TMEM132D: variants seen among roughly 807,000 people sequenced by gnomAD.
TMEM132D encodes the protein mature OL transmembrane protein.
A neutral mutation model predicts 62.3 loss-of-function variants in TMEM132D; 21 were observed. The observed-to-expected ratio is 0.34, with a 90% confidence interval of 0.24 to 0.49. TMEM132D has a LOEUF of 0.49. Among genes scored for constraint, TMEM132D ranks in the 20% least tolerant of loss-of-function variants. The probability of loss-of-function intolerance (pLI) is 0.99; values close to 1 mark genes in which losing one functional copy is unlikely to be tolerated. For synonymous variants in TMEM132D, 621 were observed against 575.6 expected, an observed-to-expected ratio of 1.08 and a Z score of -1.13; for missense variants, 1,346 against 1,402.8, an observed-to-expected ratio of 0.96 and a Z score of 0.65.
intron 2 of TMEM132D, among the ~76,000 whole-genome samples, chr12:129,623,052 G>A (rs1879115960): frequency 6.6e-6 from 1 of 152,184 alleles, no homozygotes. Context: ...GAGGGAGGGG[G>A]AAGGGGAGAG....
chr12:129,263,137 G>A (rs1199405092), intron 4 of TMEM132D, among the ~76,000 whole-genome samples: 3 of 152,142 alleles, frequency 2.0e-5, no homozygotes, highest in African/African-American at 7.2e-5. Flanking sequence ...GCACTTCACA[G>A]AGCAATCTCT....
At chr12:129,279,040 G>T (rs1205958309) in intron 4 of TMEM132D, among the ~76,000 whole-genome samples, 1 of 152,096 alleles carries the variant, frequency 6.6e-6, no homozygotes, top group Non-Finnish European at 1.5e-5. Flanking sequence ...TTTTATAAGA[G>T]AACTCAGAAA....
intron 4 of TMEM132D, among the ~76,000 whole-genome samples, chr12:129,225,400 G>A (rs1316126519): frequency 1.3e-5 from 2 of 152,302 alleles, no homozygotes; most frequent in South Asian, 2.1e-4. Context: ...AGTTCTTGGA[G>A]GCCAACTTTC....
At chr12:129,854,052 G>C (rs1480888032) in intron 1 of TMEM132D, among the ~76,000 whole-genome samples, 6 of 152,128 alleles carry the variant, frequency 3.9e-5, no homozygotes, top group African/African-American at 1.4e-4. Context: ...GGTAACTCGA[G>C]GCGGGGATAC....
rs141035748 is a variant in TMEM132D at position 129,143,478 on chromosome 12, C to T, written c.1444-58776G>A. ...TCAGCATTCCTTCTCCCAGCATATG[C>T]GGCAGGACTGTCTCTGAATGAGGGT... On this transcript the variant is annotated intron_variant, in intron 5 of 8. Transcript: ENST00000422113. 6.7e-3 allele frequency among the ~76,000 whole-genome samples: 1,020 copies of T among 152,242 alleles called. 32 individuals are homozygous for T. The highest frequency in any genetic ancestry group is 0.051 in the Admixed American group (780 of 15,288).
intron 3 of TMEM132D, among the ~76,000 whole-genome samples, chr12:129,420,306 G>GTTTTTTTT (rs71082709): frequency 0.016 from 1,807 of 111,766 alleles, 232 homozygotes; most frequent in East Asian, 0.037. Flanking sequence ...CACGTTCTCT[G>GTTTTTTTT]TTTTTTTTTT....
chr12:129,880,915 A>G (rs889326958), intron 1 of TMEM132D, among the ~76,000 whole-genome samples: 13 of 152,266 alleles, frequency 8.5e-5, no homozygotes, highest in African/African-American at 3.1e-4. Flanking sequence ...AATCAGACCA[A>G]TTAAAAAATA....
intron 5 of TMEM132D, among the ~76,000 whole-genome samples, chr12:129,129,865 G>C (rs927513198): frequency 6.6e-6 from 1 of 151,916 alleles, no homozygotes; most frequent in Non-Finnish European, 1.5e-5. Flanking sequence ...AGCAGGATCA[G>C]GTCCCTGTTC....
chr12:129,172,932 AT>A (rs1877779317), intron 5 of TMEM132D, among the ~76,000 whole-genome samples: 1 of 152,154 alleles, frequency 6.6e-6, no homozygotes, highest in African/African-American at 2.4e-5. Flanking sequence ...GAGAGGGAAA[AT>A]GATGGGGGAA....
chr12:129,201,798 G>A (rs1178933963), intron 5 of TMEM132D, among the ~76,000 whole-genome samples: 1 of 152,098 alleles, frequency 6.6e-6, no homozygotes, highest in African/African-American at 2.4e-5. Context: ...GAAGGAGGGA[G>A]GGAGAGGAAG....
intron 3 of TMEM132D, among the ~76,000 whole-genome samples, chr12:129,518,561 A>G (rs1169260499): frequency 4.5e-5 from 4 of 88,952 alleles, no homozygotes; most frequent in Admixed American, 1.2e-4. Context: ...GTGTGTGTAT[A>G]TATATACACA....
At chr12:129,842,100 T>G (rs11060581) in intron 1 of TMEM132D, among the ~76,000 whole-genome samples, 410 of 109,034 alleles carry the variant, frequency 3.8e-3, no homozygotes, top group East Asian at 0.037. Context: ...CCGGCTAATT[T>G]TTTTTTTTTT....
rs66957899 is a variant in TMEM132D at position 129,719,092 on chromosome 12, A to AG, written c.80-18395_80-18394insC. 3.7e-3 allele frequency among the ~76,000 whole-genome samples: 172 copies of AG among 46,446 alleles called. 1 individual carries two copies. The highest frequency in any genetic ancestry group is 8.3e-3 in the African/African-American group (162 of 19,468). 30.5% of individuals were successfully genotyped at this position (46,446 alleles called of 152,430 possible). A position where few individuals can be genotyped will look rare whatever the true frequency, so the allele number is the denominator to read the frequency against. ...TCTCTACAAAAAAAATGAAAAAAAA[A>AG]AAAAAAAGAAAAAAAGCTGGGTGTA... On this transcript the variant is annotated intron_variant, in intron 1 of 8. Transcript: ENST00000422113.
rs1367210578 is a variant in TMEM132D at position 129,136,713 on chromosome 12, A to G, written c.1444-52011T>C. On this transcript the variant is annotated intron_variant, in intron 5 of 8. Transcript: ENST00000422113. ...CATCAACATCACCATCATTAATATC[A>G]TCATCCCCATCACCACCACCATTAC... Among the ~76,000 whole-genome samples the G allele has an allele frequency of 7.2e-5, 11 of 152,016 alleles. 1 individual carries two copies. In the East Asian group the frequency reaches 1.2e-3, roughly 16 times the overall value.
rs980279405 is a variant in TMEM132D, at chr12:129,356,224, T to C, written c.1116-18407A>G. Among the ~76,000 whole-genome samples the C allele has an allele frequency of 2.0e-3, 49 of 24,212 alleles. 14 individuals carry two copies. The highest frequency in any genetic ancestry group is 3.7e-3 in the Non-Finnish European group (42 of 11,306). The allele number at this position is 24,212 out of a possible 152,430, so 15.9% of individuals were successfully genotyped here. The stretch of plus-strand genomic sequence containing the variant: ...CAGGCTGGAGTGCAGTGGCGGGATC[T>C]CGGCTCACTGCAAGCTCCGCCTCCC... On this transcript the variant is annotated intron_variant, in intron 3 of 8. Transcript: ENST00000422113.
intron 1 of TMEM132D, among the ~76,000 whole-genome samples, chr12:129,859,095 G>C (rs1873802799): frequency 6.6e-6 from 1 of 152,190 alleles, no homozygotes; most frequent in Non-Finnish European, 1.5e-5. Flanking sequence ...CCTTACAAAA[G>C]AGTCCTGCGG....
intron 5 of TMEM132D, among the ~76,000 whole-genome samples, chr12:129,178,650 G>A (rs962294046): frequency 3.3e-5 from 5 of 152,018 alleles, no homozygotes; most frequent in Admixed American, 3.3e-4. Flanking sequence ...ACTTCAAGAG[G>A]GTAAAAGATG....
chr12:129,647,243 G>GTTTTTTT lies in TMEM132D; in HGVS notation c.968+52560_968+52566dup, dbSNP rs57450911. Among the ~76,000 whole-genome samples, 10 of 117,598 alleles carry GTTTTTTT rather than the reference G, an allele frequency of 8.5e-5. No individual in the cohort carries two copies. In the South Asian group the frequency reaches 1.5e-3, roughly 17 times the overall value. 77.1% of individuals were successfully genotyped at this position (117,598 alleles called of 152,430 possible). A position where few individuals can be genotyped will look rare whatever the true frequency, so the allele number is the denominator to read the frequency against. On this transcript the variant is annotated intron_variant, in intron 2 of 8. Transcript: ENST00000422113. ...TTATTTGCTGTTCCTTTGTTTTTCT[G>GTTTTTTT]TTTTTTTTTTTTTTTTGCAATTTGT...
chr12:129,821,880 G>C (rs529641636), intron 1 of TMEM132D, among the ~76,000 whole-genome samples: 3 of 152,202 alleles, frequency 2.0e-5, no homozygotes, highest in Non-Finnish European at 4.4e-5. Context: ...GTCTTTCGAA[G>C]TGGGGAGCAG....
Sources: gnomAD v4.1 joint callset for allele counts (sites outside exome capture counted in the v4.1 genomes callset) on GRCh38, gnomAD v4.1.1 for gene constraint, MANE v1.5 for transcripts, NCBI Gene and HGNC (gene_info 2026-07-23, HGNC 2026-07-21) for gene names.